The following DSTYK variants were observed in gnomAD, a reference collection of about 807,000 sequenced individuals.
The protein encoded by DSTYK is RIP-homologous kinase.
Under a neutral mutation model 98.7 loss-of-function variants are expected in DSTYK, and 34 were observed. That is an observed-to-expected ratio of 0.34 (90% confidence interval 0.26 to 0.46). DSTYK has a LOEUF of 0.46. DSTYK is among the 20% of genes least tolerant of loss of function. DSTYK has a pLI of 1.00. For missense variants in DSTYK, 962 were observed against 1,181.7 expected, an observed-to-expected ratio of 0.81 and a Z score of 2.73; for synonymous variants, 462 against 457.3, an observed-to-expected ratio of 1.01 and a Z score of -0.13.
chr1:205,152,661 T>C (rs1422618803), intron 10 of DSTYK, among the ~76,000 whole-genome samples: 2 of 136,738 alleles, frequency 1.5e-5, no homozygotes, highest in Non-Finnish European at 3.1e-5. Flanking sequence ...TTGAATTTCA[T>C]TTTTTTTTTT....
chr1:205,150,821 C>T lies in DSTYK; in HGVS notation c.2353-27G>A, dbSNP rs1402057445. 6.3e-7 allele frequency: 1 copy of T among 1,588,326 alleles called. No homozygotes were observed. The highest frequency in any genetic ancestry group is 8.6e-7 in the Non-Finnish European group (1 of 1,156,876). On this transcript the variant is annotated intron_variant, in intron 10 of 12. Coordinates refer to ENST00000367162, the MANE Select transcript of DSTYK (RefSeq NM_015375.3). This position sits in a 1 kb window ranked among gnomAD's most constrained non-coding sequence, Gnocchi z 4.1. ...TGCCAACAAAGCAGGGCAAGAGTCA[C>T]CTTGTTTCTGATCCTGCACACAGCA... is the stretch of plus-strand genomic sequence containing the variant.
chr1:205,174,358 C>A (rs1006459215), intron 2 of DSTYK, among the ~76,000 whole-genome samples: 1 of 151,874 alleles, frequency 6.6e-6, no homozygotes, highest in South Asian at 2.1e-4. Flanking sequence ...ACTAAAAATA[C>A]AAAAATTAGC....
At chr1:205,165,648 A>G (rs1316123844) in intron 3 of DSTYK, among the ~76,000 whole-genome samples, 3 of 152,232 alleles carry the variant, frequency 2.0e-5, no homozygotes, top group African/African-American at 7.2e-5. Context: ...CAACCAACCA[A>G]GAAAAATCTA....
At chr1:205,198,144 G>C (rs973309385) in intron 1 of DSTYK, among the ~76,000 whole-genome samples, 1 of 151,990 alleles carries the variant, frequency 6.6e-6, no homozygotes, top group African/African-American at 2.4e-5. Context: ...GGTGAGCCAA[G>C]ATCACGCCAT....
intron 3 of DSTYK, among the ~76,000 whole-genome samples, chr1:205,168,665 T>C (rs1657962165): frequency 6.6e-6 from 1 of 152,206 alleles, no homozygotes; most frequent in Non-Finnish European, 1.5e-5. Context: ...ATTTTGTTAG[T>C]AGCCATTTGT....
chr1:205,208,281 G>T (rs1659266935), intron 1 of DSTYK, among the ~76,000 whole-genome samples: 1 of 152,146 alleles, frequency 6.6e-6, no homozygotes, highest in South Asian at 2.1e-4. Context: ...TTATTTTGGG[G>T]TCCTTTACTC....
At chr1:205,199,267 G>C (rs1185391853) in intron 1 of DSTYK, among the ~76,000 whole-genome samples, 1 of 152,024 alleles carries the variant, frequency 6.6e-6, no homozygotes, top group Non-Finnish European at 1.5e-5. Context: ...CACACAGCTG[G>C]GGAATATATC....
In DSTYK at chr1:205,147,577, C is replaced by G; in HGVS notation, c.2771G>C (p.Gly924Ala). 6.2e-7 allele frequency: 1 copy of G among 1,610,766 alleles called. No individual in the cohort carries two copies. ...CKSNSEQPNR[G>A]LDDST ...TTGCTTTCAAGTAGAATCATCTAGT[C>G]CTCTGTTTGGCTGCTCAGAATTGGA... The change falls in exon 13 of 13, where the codon GGA becomes GCA. Residue 924 changes from glycine (G) to alanine (A), a missense_variant. Gly to Ala is a moderately conservative substitution (Grantham distance 60). Around this residue, in one of 4 missense-constraint regions of DSTYK, gnomAD observed 65 missense variants for 63.9 expected, o/e 1.02. Coordinates refer to ENST00000367162, the MANE Select transcript of DSTYK (RefSeq NM_015375.3).
In DSTYK at chr1:205,144,535, A is replaced by C. The variant is rs1657165602; in HGVS notation, c.*3023T>G. The C allele has an allele frequency of 6.6e-6, 1 of 152,630 alleles. No individual in the cohort carries two copies. Among genetic ancestry groups the C allele is most frequent in the Non-Finnish European group, 1.5e-5 (1 of 68,044 alleles). The allele number at this position is 152,630 out of a possible 1,614,324, so 9.5% of individuals were successfully genotyped here. On this transcript the variant is annotated 3_prime_UTR_variant, in exon 13 of 13. Coordinates refer to ENST00000367162, the MANE Select transcript of DSTYK (RefSeq NM_015375.3). ...TAATAAGAATGGATGCCAAAGAACA[A>C]AGCCAAAATTAGCTGACAATGTTAT...
intron 2 of DSTYK, among the ~76,000 whole-genome samples, chr1:205,171,285 T>C (rs1431171961): frequency 6.6e-6 from 1 of 151,686 alleles, no homozygotes; most frequent in Non-Finnish European, 1.5e-5. Flanking sequence ...ACCCCATCTG[T>C]ACTAAAAATA....
intron 8 of DSTYK, 133 bp downstream of exon 8, chr1:205,159,981 G>A (rs1035849924): frequency 2.8e-6 from 3 of 1,071,810 alleles, no homozygotes; most frequent in Non-Finnish European, 2.8e-6. Flanking sequence ...GCCTGAAAGG[G>A]AGCACATGTC....
intron 1 of DSTYK, among the ~76,000 whole-genome samples, chr1:205,207,755 CAAAAAAAAAAAAAAAAAAAAAAAAAA>C (rs766036213): frequency 3.8e-5 from 2 of 52,728 alleles, no homozygotes; most frequent in African/African-American, 2.1e-4. Context: ...GACTCTGTCT[CAAAAAAAAAAAAAAAAAAAAAAAAAA>C]AAAAAAAAAA....
intron 2 of DSTYK, among the ~76,000 whole-genome samples, chr1:205,180,543 C>T (rs752700263): frequency 4.6e-5 from 7 of 152,206 alleles, no homozygotes; most frequent in Non-Finnish European, 7.3e-5. Context: ...CAGCTTACCG[C>T]AACCTCCACT....
intron 1 of DSTYK, among the ~76,000 whole-genome samples, chr1:205,203,251 G>A (rs1177844826): frequency 6.6e-6 from 1 of 151,158 alleles, no homozygotes. Context: ...GGGAGGCCAA[G>A]GTGGCCAGAT....
At chr1:205,174,892 C>T (rs1658183515) in intron 2 of DSTYK, among the ~76,000 whole-genome samples, 1 of 149,882 alleles carries the variant, frequency 6.7e-6, no homozygotes, top group African/African-American at 2.4e-5. Flanking sequence ...CATGCGCCAC[C>T]ACGCCGGGCT....
rs548050975 is a variant in DSTYK at position 205,201,343 on chromosome 1, T to A, written c.265+9928A>T. Among the ~76,000 whole-genome samples the A allele has an allele frequency of 2.7e-5, 4 of 147,388 alleles. No individual in the cohort carries two copies. In the South Asian group the frequency reaches 8.5e-4, roughly 31 times the overall value. The stretch of plus-strand genomic sequence containing the variant: ...CATGCCTGTATCAAAACATCTCAGG[T>A]ATCCCATAAATATATAAACCTACTA... On this transcript the variant is annotated intron_variant, in intron 1 of 12. Transcript: ENST00000367162.
intron 1 of DSTYK, chr1:205,202,773 A>T (rs1659080080): frequency 1.6e-6 from 1 of 626,214 alleles, no homozygotes; most frequent in Non-Finnish European, 2.8e-6. Context: ...ACAATTAAAT[A>T]TTTTTTTAAA....
At chr1:205,195,006 T>C (rs77614075) in intron 1 of DSTYK, among the ~76,000 whole-genome samples, 1 of 151,352 alleles carries the variant, frequency 6.6e-6, no homozygotes, top group Non-Finnish European at 1.5e-5. Flanking sequence ...TTTTTTTTTT[T>C]TGTATAGACA....
intron 1 of DSTYK, among the ~76,000 whole-genome samples, chr1:205,197,204 T>G (rs1205095280): frequency 6.6e-6 from 1 of 151,852 alleles, no homozygotes; most frequent in Non-Finnish European, 1.5e-5. Flanking sequence ...GTGGACTGGA[T>G]GGTAGTACTG....
Sources: gnomAD v4.1 joint callset for allele counts (sites outside exome capture counted in the v4.1 genomes callset) on GRCh38, gnomAD v4.1.1 for gene constraint, gnomAD v4.1.1 regional missense constraint, Gnocchi (gnomAD v3.1) non-coding constraint, MANE v1.5 for transcripts, NCBI Gene and HGNC (gene_info 2026-07-23, HGNC 2026-07-21) for gene names.